DLGAP2: variants seen among roughly 807,000 people sequenced by gnomAD.
The protein encoded by DLGAP2 is DLG associated protein 2.
In DLGAP2, 26 loss-of-function variants were observed where a neutral mutation model predicts 100.3. The observed-to-expected ratio is 0.26, with a 90% CI of 0.19 to 0.36. The LOEUF (loss-of-function observed/expected upper bound fraction) is 0.36. DLGAP2 is among the 10% of genes least tolerant of loss of function. The probability of loss-of-function intolerance (pLI) is 1.00; values close to 1 mark genes in which losing one functional copy is unlikely to be tolerated. For synonymous variants in DLGAP2, 886 were observed against 630.1 expected (o/e 1.41, Z -6.08); for missense variants, 1,858 against 1,453.2 (o/e 1.28, Z -4.53).
chr8:1,574,990 G>A (rs915293120), intron 6 of DLGAP2, among the ~76,000 whole-genome samples: 5 of 152,138 alleles, frequency 3.3e-5, no homozygotes, highest in African/African-American at 1.2e-4. Flanking sequence ...AAACACACAC[G>A]TGTGCACACA....
At chr8:1,363,824 G>A (rs1802040923) in intron 3 of DLGAP2, among the ~76,000 whole-genome samples, 4 of 152,200 alleles carry the variant, frequency 2.6e-5, no homozygotes, top group South Asian at 4.1e-4. Flanking sequence ...GACAGAGCCC[G>A]GCTGCCCGTG....
chr8:1,146,064 C>T (rs984047736), intron 2 of DLGAP2, among the ~76,000 whole-genome samples: 2 of 152,096 alleles, frequency 1.3e-5, no homozygotes, highest in Non-Finnish European at 2.9e-5. Flanking sequence ...TCCCCTCTAA[C>T]ACATCCCAGC....
At chr8:738,263 C>G (rs934983186) in intron 1 of DLGAP2, among the ~76,000 whole-genome samples, 5 of 151,776 alleles carry the variant, frequency 3.3e-5, no homozygotes, top group South Asian at 2.1e-4. Flanking sequence ...CCCCCTCCCC[C>G]CAAGCCCGGG....
intron 5 of DLGAP2, among the ~76,000 whole-genome samples, chr8:1,561,645 G>A (rs369003201): frequency 3.3e-5 from 5 of 152,198 alleles, no homozygotes; most frequent in African/African-American, 9.7e-5. Context: ...CACCTGCACC[G>A]TGACCCACAG....
chr8:1,501,783 A>C (rs1490365028), intron 4 of DLGAP2, among the ~76,000 whole-genome samples: 4 of 152,110 alleles, frequency 2.6e-5, no homozygotes, highest in Admixed American at 2.6e-4. Flanking sequence ...TGCATTTTTC[A>C]TGTAGACCTT....
intron 2 of DLGAP2, among the ~76,000 whole-genome samples, chr8:996,519 G>C (rs1800788780): frequency 6.6e-6 from 1 of 152,162 alleles, no homozygotes; most frequent in South Asian, 2.1e-4. Flanking sequence ...CCTGTCGATG[G>C]GATGTGGCTA....
intron 1 of DLGAP2, among the ~76,000 whole-genome samples, chr8:876,381 A>T (rs1013437208): frequency 3.3e-5 from 5 of 152,064 alleles, no homozygotes; most frequent in African/African-American, 1.2e-4. Flanking sequence ...TTCATTTTTG[A>T]AGAATAGGTT....
intron 2 of DLGAP2, among the ~76,000 whole-genome samples, chr8:924,312 C>T (rs746392990): frequency 1.3e-5 from 2 of 152,126 alleles, no homozygotes; most frequent in South Asian, 2.1e-4. Flanking sequence ...CTCCGGCTCA[C>T]GTTTTTGGAG....
chr8:787,805 G>T (rs114731930), intron 1 of DLGAP2, among the ~76,000 whole-genome samples: 43 of 152,366 alleles, frequency 2.8e-4, no homozygotes, highest in African/African-American at 9.6e-4. Context: ...TGGTGGTGCT[G>T]TTGGGGCTTG....
chr8:1,041,212 C>T (rs1176076022), intron 2 of DLGAP2, among the ~76,000 whole-genome samples: 1 of 152,198 alleles, frequency 6.6e-6, no homozygotes, highest in Non-Finnish European at 1.5e-5. Context: ...CATGTTGTAT[C>T]TGCCACAGAC....
At chr8:1,580,499 C>G (rs1043891657) in intron 6 of DLGAP2, among the ~76,000 whole-genome samples, 17 of 152,148 alleles carry the variant, frequency 1.1e-4, no homozygotes, top group African/African-American at 3.9e-4. Flanking sequence ...ATCAAATGTT[C>G]TCACACACAT....
intron 3 of DLGAP2, among the ~76,000 whole-genome samples, chr8:1,486,996 C>G (rs1799250662): frequency 6.6e-6 from 1 of 152,170 alleles, no homozygotes; most frequent in South Asian, 2.1e-4. Context: ...CAGCCTGGCA[C>G]AGTCATTTCT....
intron 4 of DLGAP2, among the ~76,000 whole-genome samples, chr8:1,543,933 C>T (rs1801447992): frequency 6.6e-6 from 1 of 151,652 alleles, no homozygotes; most frequent in African/African-American, 2.4e-5. Context: ...GACAAAGTCT[C>T]ACTCTGACAC....
chr8:805,636 C>G (rs1015018693), intron 1 of DLGAP2, among the ~76,000 whole-genome samples: 4 of 152,074 alleles, frequency 2.6e-5, no homozygotes, highest in Non-Finnish European at 5.9e-5. Context: ...GGGACACGGT[C>G]TCTTTCTGTC....
intron 8 of DLGAP2, among the ~76,000 whole-genome samples, chr8:1,646,743 C>G (rs541396081): frequency 6.6e-6 from 1 of 152,154 alleles, no homozygotes; most frequent in African/African-American, 2.4e-5. Context: ...GCTGACAGGT[C>G]GAGGCTGGCA....
chr8:1,355,946 C>T (rs1012865305), intron 3 of DLGAP2, among the ~76,000 whole-genome samples: 9 of 152,116 alleles, frequency 5.9e-5, no homozygotes, highest in Admixed American at 2.0e-4. Flanking sequence ...CAAGTACATG[C>T]GTGTTGGGAA....
At chr8:1,368,244 G>A (rs1802154214) in intron 3 of DLGAP2, among the ~76,000 whole-genome samples, 1 of 152,038 alleles carries the variant, frequency 6.6e-6, no homozygotes, top group Non-Finnish European at 1.5e-5. Flanking sequence ...GCATGTATGT[G>A]TGAGCATGTG....
At chr8:1,439,335 G>A (rs531463329) in intron 3 of DLGAP2, among the ~76,000 whole-genome samples, 36 of 152,302 alleles carry the variant, frequency 2.4e-4, no homozygotes, top group African/African-American at 8.2e-4. Context: ...CGCGCTGTCT[G>A]TGGGAGCTAG....
chr8:1,526,576 G>A (rs965873614), intron 4 of DLGAP2, among the ~76,000 whole-genome samples: 1 of 152,314 alleles, frequency 6.6e-6, no homozygotes, highest in South Asian at 2.1e-4. Context: ...GAGACTTCCC[G>A]AGGAGGACGG....
Sources: gnomAD v4.1 joint callset for allele counts (sites outside exome capture counted in the v4.1 genomes callset) on GRCh38, gnomAD v4.1.1 for gene constraint, MANE v1.5 for transcripts, NCBI Gene and HGNC (gene_info 2026-07-23, HGNC 2026-07-21) for gene names.